The following INPP4A variants were observed in gnomAD, a reference collection of about 807,000 sequenced individuals.
INPP4A encodes the protein inositol polyphosphate-4-phosphatase, type I, 107kD.
INPP4A carries 33 observed loss-of-function variants against 119.8 expected under a neutral mutation model. The observed-to-expected ratio is 0.28, with a 90% CI of 0.21 to 0.37. INPP4A has a LOEUF of 0.37. INPP4A is among the 10% of genes least tolerant of loss of function. INPP4A has a pLI of 1.00. For synonymous variants in INPP4A, 496 were observed against 500.7 expected (o/e 0.99, Z 0.12); for missense variants, 956 against 1,289.9 (o/e 0.74, Z 3.97).
At chr2:98,495,251 G>C (rs1681703610) in intron 1 of INPP4A, among the ~76,000 whole-genome samples, 1 of 152,234 alleles carries the variant, frequency 6.6e-6, no homozygotes, top group African/African-American at 2.4e-5. Flanking sequence ...AGAGGACACA[G>C]ATGTTGGGCT....
chr2:98,573,904 A>T (rs1697946659), intron 23 of INPP4A, among the ~76,000 whole-genome samples: 1 of 152,182 alleles, frequency 6.6e-6, no homozygotes, highest in Non-Finnish European at 1.5e-5. Flanking sequence ...ATTCAGCTTT[A>T]AAGAGTGAAC....
intron 13 of INPP4A, chr2:98,548,972 G>A (rs1692987896): frequency 1.9e-6 from 3 of 1,612,194 alleles, no homozygotes; most frequent in Non-Finnish European, 2.5e-6. Flanking sequence ...GAGTGTTGGT[G>A]AGTTTTCTGT....
chr2:98,457,876 C>G (rs1447461966), intron 1 of INPP4A, among the ~76,000 whole-genome samples: 1 of 152,042 alleles, frequency 6.6e-6, no homozygotes, highest in Non-Finnish European at 1.5e-5. Context: ...CCATAGCTCG[C>G]TGCAGCCTCA....
chr2:98,564,602 C>T, intron 18 of INPP4A, 38 bp from the exon 19 acceptor site: 1 of 1,611,332 alleles, frequency 6.2e-7, no homozygotes, highest in Non-Finnish European at 8.5e-7. Context: ...GGTGAGCAGG[C>T]ACCTGACCCT....
At chr2:98,480,606 A>T (rs1480369073) in intron 1 of INPP4A, among the ~76,000 whole-genome samples, 1 of 152,164 alleles carries the variant, frequency 6.6e-6, no homozygotes, top group Non-Finnish European at 1.5e-5. Flanking sequence ...CTGTCCTCTC[A>T]CTTGGCCCCA....
chr2:98,559,681 A>T (rs1265719322), intron 17 of INPP4A, among the ~76,000 whole-genome samples, 186 bp downstream of exon 17: 1 of 152,208 alleles, frequency 6.6e-6, no homozygotes, highest in Non-Finnish European at 1.5e-5. Context: ...GGGCTGAGGA[A>T]ATTGTGGCCT....
At chr2:98,538,525 G>C (rs1161620190) in intron 8 of INPP4A, among the ~76,000 whole-genome samples, 1 of 152,210 alleles carries the variant, frequency 6.6e-6, no homozygotes, top group East Asian at 1.9e-4. Flanking sequence ...GCGCTGGTAA[G>C]TAGTCATTGT....
At chr2:98,516,748 A>G (rs1016571227) in intron 1 of INPP4A, among the ~76,000 whole-genome samples, 1 of 152,108 alleles carries the variant, frequency 6.6e-6, no homozygotes, top group African/African-American at 2.4e-5. Context: ...ATGGGGTGCA[A>G]ATCTTCAGTG....
chr2:98,581,953 G>A (rs952531449), intron 24 of INPP4A: 13 of 872,404 alleles, frequency 1.5e-5, no homozygotes, highest in South Asian at 2.0e-5. Flanking sequence ...AGACTTGTTT[G>A]TTTAGCTCCT....
rs1220545748 is a variant in INPP4A at position 98,570,160 on chromosome 2, G to A, written c.2518+1492G>A. 6.6e-6 allele frequency among the ~76,000 whole-genome samples: 1 copy of A among 152,166 alleles called. No homozygotes were observed. Among genetic ancestry groups the A allele is most frequent in the Non-Finnish European group, 1.5e-5 (1 of 68,028 alleles). On this transcript the variant is annotated intron_variant, in intron 22 of 24. Coordinates refer to ENST00000409851, the MANE Select transcript of INPP4A (RefSeq NM_001134225.2). This position sits in a 1 kb window ranked among gnomAD's most constrained non-coding sequence, Gnocchi z 4.3. ...GAGAGGCGCAGGGCTACAGGGGACCGACAGCGAGTGCAGCACTGGCCCCAG... is the reference window on the plus strand; with the variant it reads ...GAGAGGCGCAGGGCTACAGGGGACCAACAGCGAGTGCAGCACTGGCCCCAG...
chr2:98,454,390 G>GT (rs1695739281), intron 1 of INPP4A, among the ~76,000 whole-genome samples: 1 of 152,222 alleles, frequency 6.6e-6, no homozygotes, highest in East Asian at 1.9e-4. Flanking sequence ...GTCTGTGTTT[G>GT]TTTTTTGGGG....
In INPP4A at chr2:98,447,985, T is replaced by TG. The variant is rs538604448; in HGVS notation, c.-166+2901dup. ...TGGCGTGAACCTGGGAGGCGGATCT[T>TG]GCAGTGAGCAGAGATCGCACCACTG... On this transcript the variant is annotated intron_variant, in intron 1 of 24. Coordinates refer to ENST00000409851, the MANE Select transcript of INPP4A (RefSeq NM_001134225.2). 4.1e-5 allele frequency among the ~76,000 whole-genome samples: 6 copies of TG among 146,868 alleles called. No homozygotes were observed. The East Asian group carries it at 1.2e-3, about 29-fold the overall frequency.
chr2:98,503,386 T>C (rs1336478648), intron 1 of INPP4A, among the ~76,000 whole-genome samples: 1 of 152,228 alleles, frequency 6.6e-6, no homozygotes, highest in African/African-American at 2.4e-5. Flanking sequence ...AGCCCCATTC[T>C]CTGTCCTTGA....
intron 1 of INPP4A, among the ~76,000 whole-genome samples, chr2:98,499,546 A>G (rs913433282): frequency 1.3e-5 from 2 of 152,238 alleles, no homozygotes; most frequent in Non-Finnish European, 2.9e-5. Context: ...TTTATGCCTT[A>G]AAAGGCTTAA....
intron 10 of INPP4A, among the ~76,000 whole-genome samples, chr2:98,540,751 TG>T (rs916007654): frequency 3.9e-5 from 6 of 152,164 alleles, no homozygotes; most frequent in African/African-American, 1.4e-4. Flanking sequence ...CCCATTCCCA[TG>T]ATAATGACAT....
intron 1 of INPP4A, among the ~76,000 whole-genome samples, chr2:98,461,773 C>T (rs951572225): frequency 3.9e-5 from 6 of 152,206 alleles, no homozygotes; most frequent in Admixed American, 6.5e-5. Context: ...GCTGCGTGCT[C>T]GCTGTGTGCC....
At chr2:98,488,289 A>G (rs1452212473) in intron 1 of INPP4A, among the ~76,000 whole-genome samples, 1 of 152,192 alleles carries the variant, frequency 6.6e-6, no homozygotes, top group African/African-American at 2.4e-5. Context: ...GTAGTCTTAG[A>G]AATCAAGATA....
intron 1 of INPP4A, among the ~76,000 whole-genome samples, chr2:98,446,170 T>G (rs1694158246): frequency 6.6e-6 from 1 of 152,258 alleles, no homozygotes; most frequent in Non-Finnish European, 1.5e-5. Flanking sequence ...GAGCCTTTTT[T>G]GCTGAGTTTG....
intron 24 of INPP4A, among the ~76,000 whole-genome samples, chr2:98,583,327 A>AAAATGCC (rs1491338351): frequency 1.4e-3 from 118 of 81,654 alleles, no homozygotes; most frequent in African/African-American, 4.9e-3. Flanking sequence ...AAAAAATGCC[A>AAAATGCC]AAAAAAAAAG....
Sources: gnomAD v4.1 joint callset for allele counts (sites outside exome capture counted in the v4.1 genomes callset) on GRCh38, gnomAD v4.1.1 for gene constraint, Gnocchi (gnomAD v3.1) non-coding constraint, MANE v1.5 for transcripts, NCBI Gene and HGNC (gene_info 2026-07-23, HGNC 2026-07-21) for gene names.